ARHGEF40: variants seen among roughly 807,000 people sequenced by gnomAD.
ARHGEF40 encodes the protein Rho guanine nucleotide exchange factor 40.
A neutral mutation model predicts 165.9 loss-of-function variants in ARHGEF40; 98 were observed. The observed-to-expected ratio is 0.59, with a 90% CI of 0.50 to 0.70. The LOEUF is 0.70. ARHGEF40 is among the 30% of genes least tolerant of loss of function. The probability of loss-of-function intolerance (pLI) is 0.00; values close to 1 mark genes in which losing one functional copy is unlikely to be tolerated. For synonymous variants in ARHGEF40, 792 were observed against 814.3 expected (o/e 0.97, Z 0.47); for missense variants, 1,815 against 1,968.0 (o/e 0.92, Z 1.47).
In ARHGEF40 at chr14:21,078,173, T is replaced by C; in HGVS notation, c.2035-4T>C. 1.2e-6 allele frequency: 2 copies of C among 1,610,090 alleles called. No individual in the cohort carries two copies. Among genetic ancestry groups the C allele is most frequent in the Non-Finnish European group, 1.7e-6 (2 of 1,178,090 alleles). On this transcript the variant is annotated splice_polypyrimidine_tract_variant and splice_region_variant and intron_variant, in intron 8 of 23. Transcript: ENST00000298694. The stretch of plus-strand genomic sequence containing the variant: ...TCAACTCCATCCCTGCATGTGGGTT[T>C]CAGGAAGTGGTAAGGCTATGTCGCC...
chr14:21,078,117 AG>A, intron 8 of ARHGEF40, 59 bp from the exon 9 acceptor site: 1 of 1,496,226 alleles, frequency 6.7e-7, no homozygotes, highest in Non-Finnish European at 9.0e-7. Context: ...CCCCAACCCT[AG>A]GGCTTAAGTT....
intron 11 of ARHGEF40, among the ~76,000 whole-genome samples, chr14:21,079,568 C>G (rs1887705149): frequency 6.6e-6 from 1 of 152,134 alleles, no homozygotes; most frequent in Non-Finnish European, 1.5e-5. Context: ...TTAAGAGCCC[C>G]ATAGGGATTT....
At position 21,073,376 on chromosome 14, in the gene ARHGEF40, T is replaced by A; in HGVS notation, c.201+134T>A. 1 of 1,034,388 alleles carries A rather than the reference T, an allele frequency of 9.7e-7. No individual in the cohort carries two copies. The highest frequency in any genetic ancestry group is 1.4e-6 in the Non-Finnish European group (1 of 722,962). The allele number at this position is 1,034,388 out of a possible 1,614,324, so 64.1% of individuals were successfully genotyped here. On this transcript the variant is annotated intron_variant, in intron 2 of 23. Coordinates refer to ENST00000298694, the MANE Select transcript of ARHGEF40 (RefSeq NM_018071.5). This position sits in a 1 kb window ranked among gnomAD's most constrained non-coding sequence, Gnocchi z 4.6. The stretch of plus-strand genomic sequence containing the variant: ...TGAAACCGATCTCTCCAGAATCACT[T>A]AAGCTTCATTCTCTGACCTCTCACA...
At position 21,070,446 on chromosome 14, in the gene ARHGEF40, G is replaced by A. The variant is rs1025811807; in HGVS notation, c.3+47G>A. ...CCTGGGTCCCCTCGGCCTTCGCGCA[G>A]CCCGCTCCGGGCCCCCAAGTCCTCA... On this transcript the variant is annotated intron_variant, in intron 1 of 23. Transcript: ENST00000298694. The surrounding 1 kb of genome is among the most constrained non-coding windows in gnomAD (Gnocchi z 4.7). 3.7e-6 allele frequency: 5 copies of A among 1,360,762 alleles called. No homozygotes were observed. In the South Asian group the frequency reaches 5.6e-5, roughly 15 times the overall value. 84.3% of individuals were successfully genotyped at this position (1,360,762 alleles called of 1,614,324 possible). A position where few individuals can be genotyped will look rare whatever the true frequency, so the allele number is the denominator to read the frequency against.
At position 21,078,507 on chromosome 14, in the gene ARHGEF40, C is replaced by CGGA; in HGVS notation, c.2246+22_2246+24dup. 1 of 1,540,318 alleles carries CGGA rather than the reference C, an allele frequency of 6.5e-7. No individual in the cohort carries two copies. Among genetic ancestry groups the CGGA allele is most frequent in the Middle Eastern group, 1.8e-4 (1 of 5,680 alleles). The stretch of plus-strand genomic sequence containing the variant: ...GCAGCAAGTACGAAGTATGGGTGTG[C>CGGA]GGAGGCAGGTGGAAGTGGGAGGTGG... On this transcript the variant is annotated intron_variant, in intron 10 of 23. Transcript: ENST00000298694.
At chr14:21,069,730 T>A (rs1489546810), upstream of ARHGEF40, among the ~76,000 whole-genome samples, 1 of 150,516 alleles carries the variant, frequency 6.6e-6, no homozygotes, top group East Asian at 2.0e-4. Flanking sequence ...CCCCGGGGGG[T>A]TGGGGAATCC....
Position 21,078,523 on chromosome 14 carries a change from T to C in ARHGEF40, c.2246+35T>C, listed in dbSNP as rs774796767. 9.1e-6 allele frequency: 14 copies of C among 1,530,352 alleles called. No homozygotes were observed. The African/African-American group carries it at 1.7e-4, about 18-fold the overall frequency. The allele number at this position is 1,530,352 out of a possible 1,614,324, so 94.8% of individuals were successfully genotyped here. On this transcript the variant is annotated intron_variant, in intron 10 of 23. Transcript: ENST00000298694. ...ATGGGTGTGCGGAGGCAGGTGGAAG[T>C]GGGAGGTGGAGACACAGCTGAAGGC...
At position 21,081,515 on chromosome 14, in the gene ARHGEF40, G is replaced by A; in HGVS notation, c.2647G>A (p.Glu883Lys). ...RLQRFFQQAHEWVDEGFARLA... is the reference protein window; with the variant it reads ...RLQRFFQQAHKWVDEGFARLA... Reference sequence around the variant, plus strand: ...AACCCCTTTGACTTCGTAGGCACATGAATGGGTGGATGAGGGCTTTGCTCG... The same window carrying A: ...AACCCCTTTGACTTCGTAGGCACATAAATGGGTGGATGAGGGCTTTGCTCG... The change falls in exon 14 of 24, where the codon GAA becomes AAA. Residue 883 changes from glutamate to lysine, a missense_variant. Physicochemically the swap from Glu to Lys is moderately conservative, Grantham distance 56. Coordinates refer to ENST00000298694, the MANE Select transcript of ARHGEF40 (RefSeq NM_018071.5). 3 of 1,613,002 alleles carry A rather than the reference G, an allele frequency of 1.9e-6. No homozygotes were observed. Among genetic ancestry groups the A allele is most frequent in the Non-Finnish European group, 2.5e-6 (3 of 1,179,910 alleles).
rs1325898399 is a variant in ARHGEF40 at position 21,084,868 on chromosome 14, A to G, written c.3905A>G (p.Lys1302Arg). The change falls in exon 18 of 24, where the codon AAG (lysine) becomes AGG (arginine). Residue 1302 changes from lysine (K) to arginine (R), a missense_variant. Coordinates refer to ENST00000298694, the MANE Select transcript of ARHGEF40 (RefSeq NM_018071.5). The stretch of plus-strand genomic sequence containing the variant: ...TTCGAGCATCTCCTCCTGTTCAGCA[A>G]GCTCAAGGGCCCTGAAGGGGGGTCA... ...FLFEHLLLFS[K>R]LKGPEGGSEM... 2 of 1,614,080 alleles carry G rather than the reference A, an allele frequency of 1.2e-6. No individual in the cohort carries two copies. Among genetic ancestry groups the G allele is most frequent in the Non-Finnish European group, 1.7e-6 (2 of 1,180,042 alleles).
At position 21,081,629 on chromosome 14, in the gene ARHGEF40, G is replaced by A. The variant is rs1483752738; in HGVS notation, c.2761G>A (p.Glu921Lys). Residue 921 changes from glutamate to lysine, a missense_variant, in exon 14 of 24, where the codon GAG (glutamate) becomes AAG (lysine). Physicochemically the swap from Glu to Lys is moderately conservative, Grantham distance 56. Transcript: ENST00000298694. Reference sequence around the variant, plus strand: ...AGAGCCCAGTGCCGGCACCTTCCAGGAGATGCGGGCCCTGGCCCTGGACCT... The same window carrying A: ...AGAGCCCAGTGCCGGCACCTTCCAGAAGATGCGGGCCCTGGCCCTGGACCT... ...APEPSAGTFQ[E>K]MRALALDLGS... is the part of the protein sequence containing the mutation. The A allele has an allele frequency of 2.5e-6, 4 of 1,610,190 alleles. No individual in the cohort carries two copies. Among genetic ancestry groups the A allele is most frequent in the Non-Finnish European group, 3.4e-6 (4 of 1,178,868 alleles).
chr14:21,087,053 G>C lies in ARHGEF40; in HGVS notation c.4191G>C (p.Leu1397=). ...VSMGIGNKPF[L]DIKALGERTL... ...TGGGCATTGGGAATAAACCCTTCCTGGACATCAAAGCCCTTGGGGAGCGGA... is the reference window on the plus strand; with the variant it reads ...TGGGCATTGGGAATAAACCCTTCCTCGACATCAAAGCCCTTGGGGAGCGGA... The change falls in exon 20 of 24, where the codon CTG becomes CTC. Residue 1397 remains leucine (L), a synonymous_variant. Transcript: ENST00000298694. The C allele has an allele frequency of 1.2e-6, 2 of 1,607,854 alleles. No homozygotes were observed.
chr14:21,082,023 G>A lies in ARHGEF40; in HGVS notation c.3155G>A (p.Cys1052Tyr), dbSNP rs1378555387. ...VTSTEVVDRT[C>Y]SPREHVLLGR... ...AGCACTGAGGTGGTAGACAGGACGT[G>A]CTCACCACGGGAACACGTGCTGCTG... Residue 1052 changes from cysteine to tyrosine, a missense_variant, in exon 14 of 24, where the codon TGC becomes TAC. Transcript: ENST00000298694. 1.9e-6 allele frequency: 3 copies of A among 1,568,812 alleles called. No homozygotes were observed. The highest frequency in any genetic ancestry group is 2.6e-6 in the Non-Finnish European group (3 of 1,156,696).
rs1263343818 is a variant in ARHGEF40, at chr14:21,088,799, C to A, written c.4519-31C>A. 2.0e-6 allele frequency: 3 copies of A among 1,525,284 alleles called. No individual in the cohort carries two copies. The South Asian group carries it at 3.4e-5, about 17-fold the overall frequency. 94.5% of individuals were successfully genotyped at this position (1,525,284 alleles called of 1,614,324 possible). A position where few individuals can be genotyped will look rare whatever the true frequency, so the allele number is the denominator to read the frequency against. The stretch of plus-strand genomic sequence containing the variant: ...GAGAGAGAAAGACAAGAAATATGTC[C>A]CTAAATTCACTGTAGCTTCTCTCCC... On this transcript the variant is annotated intron_variant, in intron 22 of 23. Transcript: ENST00000298694.
intron 10 of ARHGEF40, 130 bp from the exon 11 acceptor site, chr14:21,078,754 G>C (rs1887636669): frequency 1.5e-6 from 2 of 1,350,486 alleles, no homozygotes; most frequent in Non-Finnish European, 2.0e-6. Flanking sequence ...AAAGCAGTCA[G>C]GGTTCAGCCC....
rs754858599 is a variant in ARHGEF40 at position 21,078,867 on chromosome 14, C to T, written c.2247-17C>T. ...TCAACAAGGGAAATGATTCATTCTT[C>T]TCTGCTCCTTCCCAAGGCTGGAGGG... On this transcript the variant is annotated splice_polypyrimidine_tract_variant and intron_variant, in intron 10 of 23. Transcript: ENST00000298694. The T allele has an allele frequency of 1.2e-6, 2 of 1,610,430 alleles. No homozygotes were observed. Among genetic ancestry groups the T allele is most frequent in the East Asian group, 2.2e-5 (1 of 44,746 alleles).
Position 21,089,884 on chromosome 14 carries a change from T to C in ARHGEF40, c.*876T>C. On this transcript the variant is annotated 3_prime_UTR_variant, in exon 24 of 24. Coordinates refer to ENST00000298694, the MANE Select transcript of ARHGEF40 (RefSeq NM_018071.5). ...CAGGCCACAGTGCGTGAGAACTTGC[T>C]TGGCTGTTTGTTAAATGCTAATTCT... 1 of 204,692 alleles carries C rather than the reference T, an allele frequency of 4.9e-6. No homozygotes were observed. The highest frequency in any genetic ancestry group is 1.0e-5 in the Non-Finnish European group (1 of 98,830). The allele number at this position is 204,692 out of a possible 1,614,324, so 12.7% of individuals were successfully genotyped here.
Position 21,088,993 on chromosome 14 carries a change from C to T in ARHGEF40, c.*6-21C>T, listed in dbSNP as rs192765233. ...TTCTTCCCTCTCCCAACTCATCTCC[C>T]TCTTCTCTCCTGGCTTCTAGAGAAG... is the stretch of plus-strand genomic sequence containing the variant. On this transcript the variant is annotated intron_variant, in intron 23 of 23. Transcript: ENST00000298694. 411 of 1,004,448 alleles carry T rather than the reference C, an allele frequency of 4.1e-4. No homozygotes were observed. In the African/African-American group the frequency reaches 6.0e-3, roughly 15 times the overall value. 62.2% of individuals were successfully genotyped at this position (1,004,448 alleles called of 1,614,324 possible).
In ARHGEF40 at chr14:21,076,898, TC is replaced by T; in HGVS notation, c.2034+12del. On this transcript the variant is annotated intron_variant, in intron 8 of 23. Transcript: ENST00000298694. ...TGGGTAGAGATACACCAGGTAAGCT[TC>T]CCCTCTACCACCTAGCATGCTGGGA... 1 of 1,604,172 alleles carries T rather than the reference TC, an allele frequency of 6.2e-7. No individual in the cohort carries two copies. Among genetic ancestry groups the T allele is most frequent in the Non-Finnish European group, 8.5e-7 (1 of 1,172,270 alleles).
chr14:21,078,254 A>G lies in ARHGEF40; in HGVS notation c.2112A>G (p.Ala704=). 1.9e-6 allele frequency: 3 copies of G among 1,614,018 alleles called. No homozygotes were observed. In the South Asian group the frequency reaches 3.3e-5, roughly 18 times the overall value. The change falls in exon 9 of 24, where the codon GCA becomes GCG. Residue 704 remains alanine, a synonymous_variant. Transcript: ENST00000298694. ...VRQAIEELEG[A]AEPEEEEAVG... The stretch of plus-strand genomic sequence containing the variant: ...AGGCCATTGAGGAGCTGGAGGGAGC[A>G]GCAGAGCCAGAGGAAGAGGTATGAA...
Sources: gnomAD v4.1 joint callset for allele counts (sites outside exome capture counted in the v4.1 genomes callset) on GRCh38, gnomAD v4.1.1 for gene constraint, Gnocchi (gnomAD v3.1) non-coding constraint, MANE v1.5 for transcripts, NCBI Gene and HGNC (gene_info 2026-07-23, HGNC 2026-07-21) for gene names.